ZMYM4: variants seen among roughly 807,000 people sequenced by gnomAD.
ZMYM4 encodes zinc finger MYM-type containing 4, also known as zinc finger MYM-type protein 4.
A neutral mutation model predicts 183.2 loss-of-function variants in ZMYM4; 31 were observed. The observed-to-expected ratio is 0.17, with a 90% confidence interval of 0.13 to 0.23. The LOEUF is 0.23. ZMYM4 is among the 10% of genes least tolerant of loss of function. ZMYM4 has a pLI of 1.00. For synonymous variants in ZMYM4, 592 were observed against 631.2 expected (o/e 0.94, Z 0.93); for missense variants, 1,273 against 1,840.3 (o/e 0.69, Z 5.64).
At chr1:35,352,020 C>A (rs551976275) in intron 2 of ZMYM4, among the ~76,000 whole-genome samples, 91 of 152,288 alleles carry the variant, frequency 6.0e-4, no homozygotes, top group African/African-American at 2.1e-3. Flanking sequence ...TCCTCCTGAA[C>A]TCACTGCTCT....
chr1:35,290,994 A>G (rs577205823), intron 1 of ZMYM4, among the ~76,000 whole-genome samples: 3 of 152,378 alleles, frequency 2.0e-5, no homozygotes, highest in African/African-American at 7.2e-5. Flanking sequence ...AGTATAATTT[A>G]TATAGAGTAA....
chr1:35,378,596 G>A (rs755226020), intron 7 of ZMYM4, among the ~76,000 whole-genome samples: 28 of 152,082 alleles, frequency 1.8e-4, no homozygotes, highest in Non-Finnish European at 4.1e-4. Context: ...AAGTGTCCTG[G>A]GATTTTTGAA....
chr1:35,364,419 C>T (rs1644018645), intron 5 of ZMYM4, among the ~76,000 whole-genome samples: 1 of 152,206 alleles, frequency 6.6e-6, no homozygotes, highest in Admixed American at 6.5e-5. Context: ...CAGAGCAGCT[C>T]TCATGTTATA....
At chr1:35,330,709 T>G in intron 2 of ZMYM4, among the ~76,000 whole-genome samples, 1 of 152,170 alleles carries the variant, frequency 6.6e-6, no homozygotes, top group East Asian at 1.9e-4. Flanking sequence ...TACAACTGTT[T>G]CTATTTCACT....
chr1:35,397,327 C>T, intron 19 of ZMYM4, 50 bp from the exon 20 acceptor site: 1 of 1,456,054 alleles, frequency 6.9e-7, no homozygotes, highest in Non-Finnish European at 9.1e-7. Flanking sequence ...ATACTTTTGG[C>T]TACAAACCTG....
At chr1:35,372,501 G>A (rs1459290333) in intron 7 of ZMYM4, among the ~76,000 whole-genome samples, 2 of 152,034 alleles carry the variant, frequency 1.3e-5, no homozygotes, top group Non-Finnish European at 2.9e-5. Flanking sequence ...TTGAAAAATG[G>A]TGAGAATAGA....
chr1:35,413,590 G>A (rs1328379050), intron 26 of ZMYM4, among the ~76,000 whole-genome samples: 2 of 152,064 alleles, frequency 1.3e-5, no homozygotes, highest in African/African-American at 2.4e-5. Flanking sequence ...AAACAAAAGA[G>A]CACATCTGCA....
At chr1:35,395,128 C>T (rs1041091630) in intron 18 of ZMYM4, among the ~76,000 whole-genome samples, 17 of 151,520 alleles carry the variant, frequency 1.1e-4, no homozygotes, top group Non-Finnish European at 1.5e-5. Flanking sequence ...TTCTTATAAG[C>T]TCCCAGGTAA....
chr1:35,294,800 A>G (rs1570277395), intron 1 of ZMYM4, among the ~76,000 whole-genome samples: 2 of 152,372 alleles, frequency 1.3e-5, no homozygotes, highest in East Asian at 3.9e-4. Context: ...AAAAAAAATT[A>G]ATTCAAAAGA....
intron 1 of ZMYM4, among the ~76,000 whole-genome samples, chr1:35,324,851 AC>A (rs1178232293): frequency 1.3e-5 from 2 of 152,108 alleles, no homozygotes; most frequent in African/African-American, 4.8e-5. Context: ...ATCTGAAATT[AC>A]CTCTGACATG....
At chr1:35,383,272 G>A (rs1340263565) in intron 9 of ZMYM4, among the ~76,000 whole-genome samples, 4 of 151,976 alleles carry the variant, frequency 2.6e-5, no homozygotes, top group African/African-American at 7.2e-5. Flanking sequence ...TCCATAGTAG[G>A]TGTATATATT....
At chr1:35,351,954 CA>C (rs994532402) in intron 2 of ZMYM4, among the ~76,000 whole-genome samples, 1 of 152,120 alleles carries the variant, frequency 6.6e-6, no homozygotes, top group African/African-American at 2.4e-5. Flanking sequence ...TCTCCTTGTG[CA>C]AAATCTAAGT....
At chr1:35,343,159 GT>G (rs1017681872) in intron 2 of ZMYM4, among the ~76,000 whole-genome samples, 10 of 152,080 alleles carry the variant, frequency 6.6e-5, no homozygotes, top group African/African-American at 4.8e-5. Context: ...TTGTTGTATT[GT>G]TGGTGTTCTT....
chr1:35,352,974 T>TA (rs1465488208), intron 2 of ZMYM4, among the ~76,000 whole-genome samples: 1 of 152,226 alleles, frequency 6.6e-6, no homozygotes, highest in Non-Finnish European at 1.5e-5. Flanking sequence ...GTCTTCTTGA[T>TA]ATTTCCATTT....
intron 2 of ZMYM4, among the ~76,000 whole-genome samples, chr1:35,336,322 A>G (rs1432284035): frequency 2.0e-5 from 3 of 152,054 alleles, no homozygotes; most frequent in Non-Finnish European, 2.9e-5. Context: ...CTCAAGGTTC[A>G]TCATGTTGAA....
intron 2 of ZMYM4, among the ~76,000 whole-genome samples, chr1:35,326,620 C>G (rs896160238): frequency 7.2e-5 from 11 of 152,166 alleles, no homozygotes; most frequent in Non-Finnish European, 4.4e-5. Flanking sequence ...CGAAGCCTAT[C>G]CTGGCAGCCT....
chr1:35,371,603 T>C (rs1020908657), intron 7 of ZMYM4, among the ~76,000 whole-genome samples: 10 of 152,198 alleles, frequency 6.6e-5, no homozygotes, highest in Non-Finnish European at 1.3e-4. Context: ...GGAATAATGC[T>C]CTTGTTCTGA....
At chr1:35,330,045 T>C (rs374443656) in intron 2 of ZMYM4, among the ~76,000 whole-genome samples, 2 of 152,124 alleles carry the variant, frequency 1.3e-5, no homozygotes, top group South Asian at 2.1e-4. Flanking sequence ...CAAGACCCTG[T>C]CTCTGCAAAA....
chr1:35,389,058 C>T lies in ZMYM4; in HGVS notation c.2412C>T (p.Ser804=). The change falls in exon 14 of 30, where the codon TCC becomes TCT. Residue 804 remains serine (S), a synonymous_variant. Coordinates refer to ENST00000314607, the MANE Select transcript of ZMYM4 (RefSeq NM_005095.3). This position sits in a 1 kb window ranked among gnomAD's most constrained non-coding sequence, Gnocchi z 4.0. ...VEEFCCEECM[S]KYTVLFYQMA... ...AGTTCTGTTGTGAAGAATGCATGTC[C>T]AAATATACAGTTTTGTTCTATCAGG... The T allele has an allele frequency of 6.2e-7, 1 of 1,613,708 alleles. No homozygotes were observed.
Sources: gnomAD v4.1 joint callset for allele counts (sites outside exome capture counted in the v4.1 genomes callset) on GRCh38, gnomAD v4.1.1 for gene constraint, Gnocchi (gnomAD v3.1) non-coding constraint, MANE v1.5 for transcripts, NCBI Gene and HGNC (gene_info 2026-07-23, HGNC 2026-07-21) for gene names.